YJEFN3: variants seen among roughly 807,000 people sequenced by gnomAD.
YJEFN3 encodes the protein yjeF N-terminal domain-containing protein 3.
Under a neutral mutation model 31.5 loss-of-function variants are expected in YJEFN3, and 29 were observed. The ratio of observed to expected loss-of-function variants is 0.92; its 90% CI spans 0.69 to 1.26. The LOEUF is 1.26. Among genes scored for constraint, YJEFN3 ranks in the 50% most tolerant of loss-of-function variants. The pLI, the probability that YJEFN3 is intolerant of heterozygous loss-of-function variation, is 0.00. For synonymous variants in YJEFN3, 227 were observed against 196.1 expected, an observed-to-expected ratio of 1.16 and a Z score of -1.32; for missense variants, 442 against 425.4, an observed-to-expected ratio of 1.04 and a Z score of -0.34.
In YJEFN3 at chr19:19,534,904, A is replaced by G. The variant is rs1331059591; in HGVS notation, c.319-130A>G. On this transcript the variant is annotated intron_variant, in intron 3 of 6. Coordinates refer to ENST00000514277, the MANE Select transcript of YJEFN3 (RefSeq NM_198537.4). The surrounding 1 kb of genome is among the most constrained non-coding windows in gnomAD (Gnocchi z 4.6). ...CCCAACCCCTCATCCAGAACAGCTC[A>G]CCTCCTGTCCTATCCTGTTGCCTCC... 3 of 660,858 alleles carry G rather than the reference A, an allele frequency of 4.5e-6. No individual in the cohort carries two copies. In the African/African-American group the frequency reaches 5.5e-5, roughly 12 times the overall value. 40.9% of individuals were successfully genotyped at this position (660,858 alleles called of 1,614,324 possible).
chr19:19,530,162 C>T (rs750469451), intron 2 of YJEFN3, among the ~76,000 whole-genome samples: 40 of 152,102 alleles, frequency 2.6e-4, no homozygotes, highest in Non-Finnish European at 5.3e-4. Flanking sequence ...AAGCATTTGG[C>T]GAGTGTCAGG....
At chr19:19,535,212 A>G (rs2061196009) in intron 4 of YJEFN3, 68 bp downstream of exon 4, 13 of 1,521,532 alleles carry the variant, frequency 8.5e-6, no homozygotes, top group Non-Finnish European at 1.2e-5. Context: ...CCTTCTTTTG[A>G]TAGCTTCCCA....
In YJEFN3 at chr19:19,535,326, C is replaced by T; in HGVS notation, c.430-11C>T. On this transcript the variant is annotated splice_polypyrimidine_tract_variant and intron_variant, in intron 4 of 6. Coordinates refer to ENST00000514277, the MANE Select transcript of YJEFN3 (RefSeq NM_198537.4). Reference sequence around the variant, plus strand: ...TCAGGGGAGTCTGACCCCCTCTTCTCCCACCCCCAGGAGTATGAACCCACC... The same window carrying T: ...TCAGGGGAGTCTGACCCCCTCTTCTTCCACCCCCAGGAGTATGAACCCACC... The T allele has an allele frequency of 6.2e-7, 1 of 1,612,216 alleles. No homozygotes were observed. Among genetic ancestry groups the T allele is most frequent in the South Asian group, 1.1e-5 (1 of 90,902 alleles).
chr19:19,537,516 GCACTGTGACCGC>G lies in YJEFN3; in HGVS notation c.896_*7del, dbSNP rs1159903158. ...ATACACGGGCACCGACTGCGTCGCGGCACTGTGACCGCCACCCGCGGCCACACCGCAGGGACC... is the reference window on the plus strand; with the variant it reads ...ATACACGGGCACCGACTGCGTCGCGGCACCCGCGGCCACACCGCAGGGACC... On this transcript the variant is annotated stop_lost and 3_prime_UTR_variant, in exon 7 of 7. Transcript: ENST00000514277. 6.4e-7 allele frequency: 1 copy of G among 1,559,306 alleles called. No individual in the cohort carries two copies. The highest frequency in any genetic ancestry group is 8.7e-7 in the Non-Finnish European group (1 of 1,154,508).
intron 1 of YJEFN3, 85 bp from the exon 2 acceptor site, chr19:19,529,279 C>G: frequency 7.3e-6 from 11 of 1,497,058 alleles, no homozygotes; most frequent in African/African-American, 1.4e-5. Flanking sequence ...GGCAGCCCGC[C>G]CCTCATGAAT....
At chr19:19,533,491 T>C (rs539847828) in intron 3 of YJEFN3, 1 of 856,494 alleles carries the variant, frequency 1.2e-6, no homozygotes, top group South Asian at 5.6e-5. Flanking sequence ...CCTCCTCCTT[T>C]CTCTCTCCCT....
At chr19:19,532,237 A>T (rs1240034060) in intron 2 of YJEFN3, among the ~76,000 whole-genome samples, 1 of 152,188 alleles carries the variant, frequency 6.6e-6, no homozygotes, top group Non-Finnish European at 1.5e-5. Flanking sequence ...CCACTGCCTG[A>T]AATCAGCCCA....
chr19:19,531,347 T>G (rs1013058008), intron 2 of YJEFN3, among the ~76,000 whole-genome samples: 2 of 152,232 alleles, frequency 1.3e-5, no homozygotes, highest in African/African-American at 4.8e-5. Context: ...GGCAAGCCAC[T>G]CGGCTTCTCT....
chr19:19,537,059 C>G (rs570150143), intron 6 of YJEFN3, among the ~76,000 whole-genome samples: 1 of 152,220 alleles, frequency 6.6e-6, no homozygotes, highest in East Asian at 1.9e-4. Flanking sequence ...AGGGAAACAC[C>G]TCCAAGGACT....
chr19:19,532,821 G>A, intron 3 of YJEFN3, 81 bp downstream of exon 3: 3 of 1,251,048 alleles, frequency 2.4e-6, no homozygotes, highest in Non-Finnish European at 3.3e-6. Context: ...TGACCAGGGT[G>A]GTTCACCCCT....
At chr19:19,530,869 C>T (rs1226372238) in intron 2 of YJEFN3, among the ~76,000 whole-genome samples, 5 of 152,124 alleles carry the variant, frequency 3.3e-5, no homozygotes, top group Non-Finnish European at 2.9e-5. Flanking sequence ...TCTCTGTCTC[C>T]GTCTTTATGT....
In YJEFN3 at chr19:19,529,305, C is replaced by T. The variant is rs1199705277; in HGVS notation, c.60-59C>T. On this transcript the variant is annotated intron_variant, in intron 1 of 6. Transcript: ENST00000514277. Reference sequence around the variant, plus strand: ...CCTCATGAATGATTCATCAGCAGCGCTGGTCGCTCCCCCACCGAACCCCAA... The same window carrying T: ...CCTCATGAATGATTCATCAGCAGCGTTGGTCGCTCCCCCACCGAACCCCAA... 3.2e-6 allele frequency: 5 copies of T among 1,554,330 alleles called. No individual in the cohort carries two copies. The East Asian group carries it at 1.1e-4, about 35-fold the overall frequency.
chr19:19,531,835 G>A (rs1048864435), intron 2 of YJEFN3, among the ~76,000 whole-genome samples: 11 of 142,712 alleles, frequency 7.7e-5, no homozygotes, highest in Non-Finnish European at 1.5e-4. Flanking sequence ...GGGTTCAAGC[G>A]ATTCTCCAGG....
At position 19,534,321 on chromosome 19, in the gene YJEFN3, TACAG is replaced by T. The variant is rs566655268; in HGVS notation, c.319-705_319-702del. 4 of 317,600 alleles carry T rather than the reference TACAG, an allele frequency of 1.3e-5. No homozygotes were observed. The highest frequency in any genetic ancestry group is 1.3e-5 in the Non-Finnish European group (3 of 224,266). The allele number at this position is 317,600 out of a possible 1,614,324, so 19.7% of individuals were successfully genotyped here. On this transcript the variant is annotated intron_variant, in intron 3 of 6. Transcript: ENST00000514277. This position sits in a 1 kb window ranked among gnomAD's most constrained non-coding sequence, Gnocchi z 4.6. ...GACAGAGACACTAGAGTCTGAGAGA[TACAG>T]ACAGACACAGAGACAGCCAGAGACA...
Position 19,529,447 on chromosome 19 carries a change from G to A in YJEFN3, c.143G>A (p.Arg48Lys), listed in dbSNP as rs2061132117. The A allele has an allele frequency of 6.2e-7, 1 of 1,614,198 alleles. No homozygotes were observed. The highest frequency in any genetic ancestry group is 8.5e-7 in the Non-Finnish European group (1 of 1,180,022). The change falls in exon 2 of 7, where the codon AGG (arginine) becomes AAG (lysine). Residue 48 changes from arginine (R) to lysine (K), a missense_variant. Coordinates refer to ENST00000514277, the MANE Select transcript of YJEFN3 (RefSeq NM_198537.4). ...GCTACCACCTCCCTTGTCCAGAGGAGGAAACAGGCCTGGGGAAGGCAGTCA... is the reference window on the plus strand; with the variant it reads ...GCTACCACCTCCCTTGTCCAGAGGAAGAAACAGGCCTGGGGAAGGCAGTCA... ...SNATTSLVQR[R>K]KQAWGRQSWL... is the part of the protein sequence containing the mutation.
chr19:19,533,830 T>A, intron 3 of YJEFN3: 1 of 985,426 alleles, frequency 1.0e-6, no homozygotes, highest in South Asian at 4.7e-5. Context: ...AGTGGCCAAC[T>A]GTCTGGTTTT....
At chr19:19,533,242 G>T (rs2061175496) in intron 3 of YJEFN3, 1 of 988,566 alleles carries the variant, frequency 1.0e-6, no homozygotes, top group Non-Finnish European at 1.2e-6. Context: ...ACACAAGGGT[G>T]ATAGCAATAA....
At chr19:19,532,972 C>T in intron 3 of YJEFN3, 2 of 1,309,050 alleles carry the variant, frequency 1.5e-6, no homozygotes, top group Non-Finnish European at 2.0e-6. Flanking sequence ...ATTGCAGGGA[C>T]AGTGCCACGA....
At chr19:19,535,767 T>C (rs1221110949) in intron 6 of YJEFN3, 88 bp downstream of exon 6, 3 of 1,478,264 alleles carry the variant, frequency 2.0e-6, no homozygotes, top group Non-Finnish European at 2.7e-6. Flanking sequence ...CCTGCCTGTC[T>C]GAACCTCAAT....
Sources: allele counts gnomAD v4.1 joint callset (sites outside exome capture counted in the v4.1 genomes callset), GRCh38; gene constraint gnomAD v4.1.1; non-coding constraint Gnocchi (gnomAD v3.1); transcripts MANE v1.5; gene names NCBI Gene and HGNC (gene_info 2026-07-23, HGNC 2026-07-21).